The following MYBPC1 variants were observed in gnomAD, a reference collection of about 807,000 sequenced individuals.
MYBPC1 encodes the protein myosin-binding protein C, slow-type.
In MYBPC1, 52 loss-of-function variants were observed where a neutral mutation model predicts 147.1. That is an observed-to-expected ratio of 0.35 (90% confidence interval 0.28 to 0.45). MYBPC1 has a LOEUF of 0.45. MYBPC1 is among the 20% of genes least tolerant of loss of function. The pLI is 1.00. For synonymous variants in MYBPC1, 477 were observed against 475.9 expected (o/e 1.00, Z -0.03); for missense variants, 1,228 against 1,440.3 (o/e 0.85, Z 2.39).
At chr12:101,689,491 C>G (rs527579379), downstream of MYBPC1, among the ~76,000 whole-genome samples, 88 of 152,200 alleles carry the variant, frequency 5.8e-4, 1 homozygote, top group South Asian at 3.7e-3. Flanking sequence ...AAGCGTGGAC[C>G]TGGGGTCTTT....
chr12:101,695,404 G>A, the MYBPC1 span, among the ~76,000 whole-genome samples: 1 of 152,180 alleles, frequency 6.6e-6, no homozygotes, highest in African/African-American at 2.4e-5. Context: ...ACGCTACTCA[G>A]AATGGCATGC....
intron 2 of MYBPC1, 106 bp from the exon 3 acceptor site, chr12:101,617,096 G>A: frequency 6.1e-6 from 6 of 976,558 alleles, no homozygotes; most frequent in East Asian, 2.5e-5. Context: ...TTTATGACCT[G>A]TTCTGCTGTC....
Position 101,662,486 on chromosome 12 carries a change from G to A in MYBPC1, c.2161G>A (p.Ala721Thr), listed in dbSNP as rs745346058. ...TGTGGCCTATGAGGTCCGCATCTTTGCAGTCAATGCCATTGGCATCTCCAA... is the reference window on the plus strand; with the variant it reads ...TGTGGCCTATGAGGTCCGCATCTTTACAGTCAATGCCATTGGCATCTCCAA... ...EGVAYEVRIF[A>T]VNAIGISKPS... The change falls in exon 21 of 32, where the codon GCA becomes ACA. Residue 721 changes from alanine to threonine, a missense_variant. Physicochemically the swap from Ala to Thr is moderately conservative, Grantham distance 58 (BLOSUM62 0). Coordinates refer to ENST00000361466, the MANE Select transcript of MYBPC1 (RefSeq NM_002465.4). 1 of 1,614,242 alleles carries A rather than the reference G, an allele frequency of 6.2e-7. No homozygotes were observed. The highest frequency in any genetic ancestry group is 1.1e-5 in the South Asian group (1 of 91,088).
chr12:101,603,181 C>G (rs1215815805), intron 1 of MYBPC1, among the ~76,000 whole-genome samples: 1 of 143,098 alleles, frequency 7.0e-6, no homozygotes, highest in African/African-American at 2.5e-5. Context: ...CCCATCTCTA[C>G]TAAAAATACA....
chr12:101,669,928 G>GAAAAAAAAA lies in MYBPC1; in HGVS notation c.2525-390_2525-382dup, dbSNP rs759220214. On this transcript the variant is annotated intron_variant, in intron 23 of 31. Transcript: ENST00000361466. ...CCTGGGCGACAGAGAGAGACTCTCTGAAAAAAAAAAAGAAAAAAAAAAAGA... is the reference window on the plus strand; with the variant it reads ...CCTGGGCGACAGAGAGAGACTCTCTGAAAAAAAAAAAAAAAAAAAAGAAAAAAAAAAAGA... The GAAAAAAAAA allele has an allele frequency of 7.0e-4, 125 of 177,626 alleles. 3 individuals are homozygous for GAAAAAAAAA. The highest frequency in any genetic ancestry group is 2.4e-3 in the Middle Eastern group (1 of 418). 11.0% of individuals were successfully genotyped at this position (177,626 alleles called of 1,614,324 possible). A position where few individuals can be genotyped will look rare whatever the true frequency, so the allele number is the denominator to read the frequency against.
intron 10 of MYBPC1, among the ~76,000 whole-genome samples, chr12:101,639,495 G>A (rs1327511808): frequency 6.6e-6 from 1 of 152,214 alleles, no homozygotes; most frequent in Non-Finnish European, 1.5e-5. Context: ...TACGATTTGA[G>A]ATACAATTAA....
chr12:101,656,260 GA>G (rs368017567), intron 18 of MYBPC1, among the ~76,000 whole-genome samples: 8 of 151,866 alleles, frequency 5.3e-5, no homozygotes, highest in African/African-American at 9.6e-5. Context: ...ACAAAAGGCA[GA>G]AAAAAATGTA....
chr12:101,663,374 C>G (rs1350772881), intron 21 of MYBPC1, 52 bp from the exon 22 acceptor site: 2 of 1,507,736 alleles, frequency 1.3e-6, no homozygotes, highest in South Asian at 1.1e-5. Flanking sequence ...AGTTCCTGCA[C>G]TATAGCTGTG....
chr12:101,598,370 T>A (rs1049568135), intron 1 of MYBPC1, among the ~76,000 whole-genome samples: 2 of 152,118 alleles, frequency 1.3e-5, no homozygotes, highest in African/African-American at 4.8e-5. Context: ...AAAAGAAATT[T>A]TATCAACCTC....
chr12:101,670,312 C>A lies in MYBPC1; in HGVS notation c.2525-9C>A. On this transcript the variant is annotated splice_polypyrimidine_tract_variant and intron_variant, in intron 23 of 31. Coordinates refer to ENST00000361466, the MANE Select transcript of MYBPC1 (RefSeq NM_002465.4). ...GATTGCAAAATTGTGCTATTTTACC[C>A]TCTCTCAGAACCTCCAAAGATTCGC... 16 of 1,611,960 alleles carry A rather than the reference C, an allele frequency of 9.9e-6. No homozygotes were observed. The highest frequency in any genetic ancestry group is 1.4e-5 in the Non-Finnish European group (16 of 1,178,038).
intron 13 of MYBPC1, 42 bp from the exon 14 acceptor site, chr12:101,648,003 T>C (rs767881567): frequency 2.0e-6 from 3 of 1,492,906 alleles, no homozygotes; most frequent in Admixed American, 1.7e-5. Flanking sequence ...GGGATAGGCT[T>C]TGGATATTTA....
At chr12:101,621,678 G>A (rs1289262534) in intron 3 of MYBPC1, among the ~76,000 whole-genome samples, 1 of 152,070 alleles carries the variant, frequency 6.6e-6, no homozygotes, top group Non-Finnish European at 1.5e-5. Context: ...CTCAACAATT[G>A]TCTCAAGTTT....
rs371563821 is a variant in MYBPC1 at position 101,642,605 on chromosome 12, A to G, written c.832+20A>G. The G allele has an allele frequency of 8.3e-4, 1,329 of 1,602,540 alleles. No homozygotes were observed. Among genetic ancestry groups the G allele is most frequent in the Non-Finnish European group, 1.1e-3 (1,247 of 1,175,230 alleles). ...GCGCAGGTGAGCGCTCCCGGGGGCG[A>G]GGCAGCGGCCGAGGGGCGTGGCAGC... On this transcript the variant is annotated intron_variant, in intron 11 of 31. Transcript: ENST00000361466.
chr12:101,669,212 G>A (rs1898065673), intron 23 of MYBPC1, among the ~76,000 whole-genome samples: 1 of 152,182 alleles, frequency 6.6e-6, no homozygotes, highest in Non-Finnish European at 1.5e-5. Context: ...GCTGCACACT[G>A]CAGTACAATG....
At chr12:101,663,634 CTCTT>C in intron 22 of MYBPC1, 74 bp downstream of exon 22, 2 of 1,518,318 alleles carry the variant, frequency 1.3e-6, no homozygotes, top group Non-Finnish European at 1.8e-6. Flanking sequence ...TCTTTTGTCT[CTCTT>C]TCTTGAGAAC....
At chr12:101,676,764 A>AAAT (rs1900091696) in intron 26 of MYBPC1, among the ~76,000 whole-genome samples, 1 of 151,712 alleles carries the variant, frequency 6.6e-6, no homozygotes. Context: ...AAGAAAAAAA[A>AAAT]AATAATAATG....
chr12:101,604,688 CT>C (rs1476938506), intron 1 of MYBPC1, among the ~76,000 whole-genome samples: 1 of 152,098 alleles, frequency 6.6e-6, no homozygotes, highest in African/African-American at 2.4e-5. Context: ...AAATTATTTG[CT>C]CTTTTGAAAA....
At chr12:101,599,566 G>C (rs1053995892) in intron 1 of MYBPC1, among the ~76,000 whole-genome samples, 1 of 152,154 alleles carries the variant, frequency 6.6e-6, no homozygotes, top group African/African-American at 2.4e-5. Flanking sequence ...CTGCAAGAGA[G>C]TGAATGGCCT....
In MYBPC1 at chr12:101,662,564, A is replaced by C. The variant is rs767653744; in HGVS notation, c.2221+18A>C. ...TCCTTTGGGTAAGTCAAGAGAGATG[A>C]GTCTTTGTCATCAGAATCATTGCCC... On this transcript the variant is annotated intron_variant, in intron 21 of 31. Coordinates refer to ENST00000361466, the MANE Select transcript of MYBPC1 (RefSeq NM_002465.4). 9.9e-6 allele frequency: 16 copies of C among 1,612,136 alleles called. No individual in the cohort carries two copies. In the African/African-American group the frequency reaches 2.1e-4, roughly 22 times the overall value.
Sources: allele counts gnomAD v4.1 joint callset (sites outside exome capture counted in the v4.1 genomes callset), GRCh38; gene constraint gnomAD v4.1.1; transcripts MANE v1.5; gene names NCBI Gene and HGNC (gene_info 2026-07-23, HGNC 2026-07-21).